The following HGF variants were observed in gnomAD, a reference collection of about 807,000 sequenced individuals.
HGF encodes fibroblast-derived tumor cytotoxic factor.
A neutral mutation model predicts 111.6 loss-of-function variants in HGF; 39 were observed. That is an observed-to-expected ratio of 0.35 (90% CI 0.27 to 0.46). The LOEUF (loss-of-function observed/expected upper bound fraction) is 0.46. HGF is among the 20% of genes least tolerant of loss of function. The pLI is 1.00. For missense variants in HGF, 735 were observed against 910.5 expected, an observed-to-expected ratio of 0.81 and a Z score of 2.48; for synonymous variants, 285 against 294.8, an observed-to-expected ratio of 0.97 and a Z score of 0.34.
chr7:81,745,022 G>A lies in HGF; in HGVS notation c.724C>T (p.Arg242Trp), dbSNP rs202185530. 4.2e-5 allele frequency: 67 copies of A among 1,613,834 alleles called. No homozygotes were observed. Among genetic ancestry groups the A allele is most frequent in the African/African-American group, 9.3e-5 (7 of 74,880 alleles). ...CQRWDHQTPH[R>W]HKFLPERYPD... Reference sequence around the variant, plus strand: ...TACCTTTCAGGCAAGAATTTGTGCCGGTGTGGTGTCTGATGATCCCAGCGC... The same window carrying A: ...TACCTTTCAGGCAAGAATTTGTGCCAGTGTGGTGTCTGATGATCCCAGCGC... The change falls in exon 6 of 18, where the codon CGG (arginine) becomes TGG (tryptophan). Residue 242 changes from arginine (R) to tryptophan (W), a missense_variant. Arg to Trp is a moderately radical substitution (Grantham distance 101, BLOSUM62 -3). Transcript: ENST00000222390.
At chr7:81,716,915 G>A (rs1169229379) in intron 11 of HGF, among the ~76,000 whole-genome samples, 2 of 152,074 alleles carry the variant, frequency 1.3e-5, no homozygotes, top group African/African-American at 2.4e-5. Context: ...TTGGGGGGTG[G>A]GGAGATCTTT....
intron 7 of HGF, among the ~76,000 whole-genome samples, chr7:81,730,076 C>T (rs1204819102): frequency 4.6e-5 from 7 of 152,064 alleles, no homozygotes; most frequent in East Asian, 3.8e-4. Flanking sequence ...AATGACTATA[C>T]AATTATTTCT....
intron 7 of HGF, chr7:81,742,866 TC>T: frequency 5.0e-6 from 8 of 1,605,276 alleles, no homozygotes; most frequent in Non-Finnish European, 6.8e-6. Flanking sequence ...GTGATAAACT[TC>T]TATTAGACTC....
intron 8 of HGF, among the ~76,000 whole-genome samples, chr7:81,727,160 C>T (rs959579648): frequency 2.4e-4 from 36 of 151,350 alleles, no homozygotes; most frequent in Non-Finnish European, 3.1e-4. Flanking sequence ...CCTGCCTCAG[C>T]CTCCCGAGTA....
chr7:81,719,511 A>G (rs1053537239), intron 10 of HGF, among the ~76,000 whole-genome samples: 4 of 152,332 alleles, frequency 2.6e-5, no homozygotes, highest in Non-Finnish European at 4.4e-5. Context: ...CAGACACCAG[A>G]TTTTGAATAT....
intron 4 of HGF, chr7:81,756,335 G>A: frequency 2.6e-6 from 1 of 380,116 alleles, no homozygotes; most frequent in Non-Finnish European, 4.7e-6. Flanking sequence ...CAAGGTACAT[G>A]GTAAAGTAAA....
intron 9 of HGF, among the ~76,000 whole-genome samples, chr7:81,725,138 A>G (rs1185510606): frequency 6.6e-6 from 1 of 152,218 alleles, no homozygotes; most frequent in African/African-American, 2.4e-5. Context: ...GTTAAAACTT[A>G]GTCAGATTGT....
intron 7 of HGF, among the ~76,000 whole-genome samples, chr7:81,730,302 A>G (rs1055162158): frequency 6.6e-6 from 1 of 152,066 alleles, no homozygotes; most frequent in African/African-American, 2.4e-5. Flanking sequence ...TACAAAAAAA[A>G]TTAGCCAGGA....
chr7:81,739,544 T>G (rs1298686649), intron 7 of HGF, among the ~76,000 whole-genome samples: 1 of 100,820 alleles, frequency 9.9e-6, no homozygotes, highest in Non-Finnish European at 1.9e-5. Context: ...AAGATCTTTT[T>G]GTTTAGTGTC....
At chr7:81,751,741 G>A in intron 5 of HGF, 1 of 1,048,860 alleles carries the variant, frequency 9.5e-7, no homozygotes, top group Non-Finnish European at 1.2e-6. Context: ...AGCAGGTGCT[G>A]GTTGAATAGA....
intron 1 of HGF, among the ~76,000 whole-genome samples, chr7:81,763,320 T>C (rs985290552): frequency 6.6e-6 from 1 of 152,196 alleles, no homozygotes; most frequent in Non-Finnish European, 1.5e-5. Context: ...GAGAAACGTC[T>C]CACTAAAAAC....
At chr7:81,738,057 A>G (rs1450845666) in intron 7 of HGF, among the ~76,000 whole-genome samples, 2 of 152,102 alleles carry the variant, frequency 1.3e-5, no homozygotes, top group African/African-American at 2.4e-5. Flanking sequence ...GAGGGGAACA[A>G]TAGACTGGGG....
At chr7:81,740,543 T>A (rs1787968714) in intron 7 of HGF, among the ~76,000 whole-genome samples, 1 of 152,100 alleles carries the variant, frequency 6.6e-6, no homozygotes, top group South Asian at 2.1e-4. Flanking sequence ...AAGTCCCTAA[T>A]CAGTTGACTA....
chr7:81,712,595 G>A (rs1236814191), intron 11 of HGF, among the ~76,000 whole-genome samples: 1 of 152,152 alleles, frequency 6.6e-6, no homozygotes, highest in Non-Finnish European at 1.5e-5. Context: ...CTTGGAAGAT[G>A]CAAGGATTTT....
At position 81,746,143 on chromosome 7, in the gene HGF, T is replaced by C. The variant is rs73381174; in HGVS notation, c.626-1023A>G. Among the ~76,000 whole-genome samples, 1,128 of 152,350 alleles carry C rather than the reference T, an allele frequency of 7.4e-3. 17 individuals are homozygous for C. The highest frequency in any genetic ancestry group is 0.025 in the African/African-American group (1,053 of 41,584). Reference sequence around the variant, plus strand: ...TTGTAGTAATTTGGGATTATAGTATTAGAATCATCACTTTTGAATCCTTGA... The same window carrying C: ...TTGTAGTAATTTGGGATTATAGTATCAGAATCATCACTTTTGAATCCTTGA... On this transcript the variant is annotated intron_variant, in intron 5 of 17. Coordinates refer to ENST00000222390, the MANE Select transcript of HGF (RefSeq NM_000601.6).
intron 1 of HGF, 117 bp downstream of exon 1, chr7:81,769,767 C>A: frequency 1.3e-6 from 1 of 775,770 alleles, no homozygotes; most frequent in Non-Finnish European, 2.2e-6. Context: ...ATACTACATA[C>A]TGAGTTCAGA....
rs1789426310 is a variant in HGF at position 81,706,347 on chromosome 7, T to C, written c.1697A>G (p.Asn566Ser). The stretch of plus-strand genomic sequence containing the variant: ...AGGGCCATATACCAGCTGGGAAACA[T>C]TGAGAACCTGTTTGCATTTCTCATC... ...RGDEKCKQVL[N>S]VSQLVYGPEG... Residue 566 changes from asparagine to serine, a missense_variant, in exon 15 of 18, where the codon AAT (asparagine) becomes AGT (serine). Asn to Ser is a conservative substitution (Grantham distance 46). This residue lies in a region of HGF where 130 missense variants were observed against 129.9 expected (regional missense o/e 1.00). Transcript: ENST00000222390. The C allele has an allele frequency of 6.2e-7, 1 of 1,612,130 alleles. No individual in the cohort carries two copies. Among genetic ancestry groups the C allele is most frequent in the South Asian group, 1.1e-5 (1 of 91,036 alleles).
At chr7:81,705,847 A>G in intron 15 of HGF, 94 bp from the exon 16 acceptor site, 1 of 767,680 alleles carries the variant, frequency 1.3e-6, no homozygotes, top group Non-Finnish European at 2.2e-6. Context: ...TATGGCATTT[A>G]CAGAGAATGA....
At chr7:81,718,074 C>T (rs1300375907) in intron 10 of HGF, among the ~76,000 whole-genome samples, 1 of 152,102 alleles carries the variant, frequency 6.6e-6, no homozygotes, top group Non-Finnish European at 1.5e-5. Flanking sequence ...TCTACATGGC[C>T]ACTTTGACTG....
Sources: allele counts gnomAD v4.1 joint callset (sites outside exome capture counted in the v4.1 genomes callset), GRCh38; gene constraint gnomAD v4.1.1; regional missense constraint gnomAD v4.1.1; transcripts MANE v1.5; gene names NCBI Gene and HGNC (gene_info 2026-07-23, HGNC 2026-07-21).